Variants in TRABD2B observed in about 807,000 individuals in gnomAD.
TRABD2B encodes the protein TraB domain containing 2B.
TRABD2B carries 14 observed loss-of-function variants against 40.1 expected under a neutral mutation model. The observed-to-expected ratio is 0.35, with a 90% CI of 0.23 to 0.55. TRABD2B has a LOEUF of 0.55. Among genes scored for constraint, TRABD2B ranks in the 20% least tolerant of loss-of-function variants. The probability of loss-of-function intolerance (pLI) is 0.90; values close to 1 mark genes in which losing one functional copy is unlikely to be tolerated. For synonymous variants in TRABD2B, 263 were observed against 277.0 expected (o/e 0.95, Z 0.50); for missense variants, 541 against 648.6 (o/e 0.83, Z 1.80).
chr1:47,985,100 A>G (rs1645902166), intron 2 of TRABD2B, among the ~76,000 whole-genome samples: 2 of 152,224 alleles, frequency 1.3e-5, no homozygotes, highest in Non-Finnish European at 2.9e-5. Flanking sequence ...AATCCTATAC[A>G]GTTGACATGA....
rs1184579735 is a variant in TRABD2B, at chr1:47,761,401, A to T, written c.*4501T>A. 1 of 151,766 alleles carries T rather than the reference A, an allele frequency of 6.6e-6. No homozygotes were observed. The highest frequency in any genetic ancestry group is 1.9e-4 in the East Asian group (1 of 5,158). 9.4% of individuals were successfully genotyped at this position (151,766 alleles called of 1,614,324 possible). The stretch of plus-strand genomic sequence containing the variant: ...GGGCTGCAGGCCTGGGTTCCAGTTC[A>T]CTCCTCCTCCACCTTTCAGAAGTTC... On this transcript the variant is annotated 3_prime_UTR_variant, in exon 7 of 7. Transcript: ENST00000606738.
chr1:47,833,271 C>T (rs969850731), intron 2 of TRABD2B, among the ~76,000 whole-genome samples: 3 of 152,116 alleles, frequency 2.0e-5, no homozygotes, highest in African/African-American at 4.8e-5. Flanking sequence ...TGACCCTGGG[C>T]TCTTAGGTAG....
intron 2 of TRABD2B, among the ~76,000 whole-genome samples, chr1:47,862,785 AAGG>A (rs558565304): frequency 2.0e-5 from 3 of 151,358 alleles, no homozygotes; most frequent in Non-Finnish European, 4.4e-5. Flanking sequence ...CACAATATTA[AAGG>A]AGAAGAACAA....
At chr1:47,775,801 C>G (rs936940228) in intron 5 of TRABD2B, among the ~76,000 whole-genome samples, 3 of 152,006 alleles carry the variant, frequency 2.0e-5, no homozygotes, top group Non-Finnish European at 4.4e-5. Context: ...TGCTAACTGC[C>G]GAGGAGCAAA....
chr1:47,882,450 C>T lies in TRABD2B; in HGVS notation c.667-80831G>A, dbSNP rs966809585. 5.3e-5 allele frequency among the ~76,000 whole-genome samples: 8 copies of T among 152,284 alleles called. No individual in the cohort carries two copies. In the South Asian group the frequency reaches 1.5e-3, roughly 28 times the overall value. On this transcript the variant is annotated intron_variant, in intron 2 of 6. Coordinates refer to ENST00000606738, the MANE Select transcript of TRABD2B (RefSeq NM_001194986.2). ...GACCTTTGCAAAAGTCTTAGGGTTGCGGGTGAGGGGGTCTCTGTTCTCAGC... is the reference window on the plus strand; with the variant it reads ...GACCTTTGCAAAAGTCTTAGGGTTGTGGGTGAGGGGGTCTCTGTTCTCAGC...
At chr1:47,981,633 A>G (rs1171863413) in intron 2 of TRABD2B, among the ~76,000 whole-genome samples, 1 of 152,170 alleles carries the variant, frequency 6.6e-6, no homozygotes, top group Non-Finnish European at 1.5e-5. Flanking sequence ...AACCCTCAGG[A>G]TCTGGAACTG....
At chr1:47,870,291 C>T (rs1366086531) in intron 2 of TRABD2B, among the ~76,000 whole-genome samples, 6 of 152,026 alleles carry the variant, frequency 3.9e-5, no homozygotes, top group Admixed American at 2.0e-4. Context: ...GCTCTGATGA[C>T]GATAAACAAC....
intron 2 of TRABD2B, among the ~76,000 whole-genome samples, chr1:47,816,770 G>C (rs1038000904): frequency 6.6e-6 from 1 of 152,200 alleles, no homozygotes; most frequent in East Asian, 1.9e-4. Flanking sequence ...ATGACAGGGA[G>C]TATGTGAAGT....
At chr1:47,806,676 G>A (rs989799821) in intron 2 of TRABD2B, among the ~76,000 whole-genome samples, 2 of 152,178 alleles carry the variant, frequency 1.3e-5, no homozygotes, top group Admixed American at 6.5e-5. Flanking sequence ...TGTAGGCCCA[G>A]AATTTAAACA....
In TRABD2B at chr1:47,837,061, C is replaced by T. The variant is rs143187636; in HGVS notation, c.667-35442G>A. On this transcript the variant is annotated intron_variant, in intron 2 of 6. Transcript: ENST00000606738. ...TTAGGTGTGGTGTTTGTTCACTGAA[C>T]TGAAATTCACTGGCCTTTTTGTCAT... Among the ~76,000 whole-genome samples, 798 of 152,356 alleles carry T rather than the reference C, an allele frequency of 5.2e-3. 9 individuals are homozygous for T. The highest frequency in any genetic ancestry group is 0.018 in the African/African-American group (740 of 41,580).
At chr1:47,790,262 C>T (rs952630174) in intron 4 of TRABD2B, among the ~76,000 whole-genome samples, 9 of 152,320 alleles carry the variant, frequency 5.9e-5, no homozygotes, top group Admixed American at 3.9e-4. Context: ...TCAGCCTGTC[C>T]AGCTACAGGA....
intron 2 of TRABD2B, among the ~76,000 whole-genome samples, chr1:47,959,837 G>C (rs867045364): frequency 6.6e-6 from 1 of 152,024 alleles, no homozygotes; most frequent in African/African-American, 2.4e-5. Flanking sequence ...ATAGAAAAAG[G>C]GAATCCTCCC....
chr1:47,905,895 T>C (rs1431710290), intron 2 of TRABD2B, among the ~76,000 whole-genome samples: 5 of 152,278 alleles, frequency 3.3e-5, no homozygotes, highest in Admixed American at 2.6e-4. Flanking sequence ...TACCTGATGG[T>C]TGTTGCTTCC....
chr1:47,977,124 G>C (rs1394502846), intron 2 of TRABD2B, among the ~76,000 whole-genome samples: 1 of 150,562 alleles, frequency 6.6e-6, no homozygotes, highest in South Asian at 2.1e-4. Flanking sequence ...TCAGGCTGGA[G>C]TGCAGTGGTG....
At chr1:47,913,589 C>T (rs183514680) in intron 2 of TRABD2B, among the ~76,000 whole-genome samples, 47 of 152,310 alleles carry the variant, frequency 3.1e-4, no homozygotes, top group African/African-American at 1.1e-3. Flanking sequence ...GGTCCCAGCA[C>T]ATACCCAAGA....
intron 2 of TRABD2B, among the ~76,000 whole-genome samples, chr1:47,874,364 C>T (rs1644191020): frequency 6.7e-6 from 1 of 148,436 alleles, no homozygotes; most frequent in Non-Finnish European, 1.5e-5. Context: ...GCTCCGCTTC[C>T]CGGGTTCACG....
chr1:47,942,037 G>A (rs1018412617), intron 2 of TRABD2B, among the ~76,000 whole-genome samples: 6 of 152,196 alleles, frequency 3.9e-5, no homozygotes, highest in Non-Finnish European at 7.3e-5. Flanking sequence ...TTCAGTAAAT[G>A]TTTGTCTAAT....
intron 2 of TRABD2B, among the ~76,000 whole-genome samples, chr1:47,947,826 C>T (rs1011571855): frequency 3.3e-5 from 5 of 152,202 alleles, no homozygotes; most frequent in Admixed American, 2.0e-4. Flanking sequence ...AGGGTGATTA[C>T]CCGCACTTTA....
chr1:47,919,604 G>A (rs1221074258), intron 2 of TRABD2B, among the ~76,000 whole-genome samples: 1 of 152,240 alleles, frequency 6.6e-6, no homozygotes, highest in African/African-American at 2.4e-5. Context: ...TCTGTAAAAT[G>A]AGAGGATTGG....
Sources: allele counts gnomAD v4.1 joint callset (sites outside exome capture counted in the v4.1 genomes callset), GRCh38; gene constraint gnomAD v4.1.1; transcripts MANE v1.5; gene names NCBI Gene and HGNC (gene_info 2026-07-23, HGNC 2026-07-21).